NMNAT2: variants seen among roughly 807,000 people sequenced by gnomAD.
The protein encoded by NMNAT2 is nicotinamide/nicotinic acid mononucleotide adenylyltransferase 2.
In NMNAT2, 11 loss-of-function variants were observed where a neutral mutation model predicts 41.6. The observed-to-expected ratio is 0.26, with a 90% CI of 0.17 to 0.44. NMNAT2 has a LOEUF of 0.44. NMNAT2 is among the 20% of genes least tolerant of loss of function. NMNAT2 has a pLI of 1.00. For missense variants in NMNAT2, 288 were observed against 407.7 expected, an observed-to-expected ratio of 0.71 and a Z score of 2.53; for synonymous variants, 148 against 151.2, an observed-to-expected ratio of 0.98 and a Z score of 0.16.
intron 1 of NMNAT2, among the ~76,000 whole-genome samples, chr1:183,388,351 C>A (rs539845918): frequency 6.6e-6 from 1 of 152,336 alleles, no homozygotes; most frequent in East Asian, 1.9e-4. Context: ...CAGAGTGGGG[C>A]CCTTCTAGGG....
chr1:183,381,661 C>T (rs530470097), intron 1 of NMNAT2, among the ~76,000 whole-genome samples: 3 of 152,088 alleles, frequency 2.0e-5, no homozygotes, highest in South Asian at 4.2e-4. Context: ...CATGCTAGTG[C>T]ACTCCAGCCT....
intron 1 of NMNAT2, among the ~76,000 whole-genome samples, chr1:183,328,997 G>A (rs1489688756): frequency 1.3e-5 from 2 of 152,140 alleles, no homozygotes; most frequent in Non-Finnish European, 2.9e-5. Flanking sequence ...AGAGGTAGAG[G>A]AGCAGAGGTA....
At chr1:183,371,321 G>A (rs1373131719) in intron 1 of NMNAT2, among the ~76,000 whole-genome samples, 42 of 152,172 alleles carry the variant, frequency 2.8e-4, no homozygotes, top group Admixed American at 2.7e-3. Context: ...TGAGGGGAGG[G>A]AAGGATGGGC....
intron 10 of NMNAT2, among the ~76,000 whole-genome samples, chr1:183,258,212 C>T (rs1288447898): frequency 5.9e-5 from 9 of 152,156 alleles, no homozygotes; most frequent in Admixed American, 5.9e-4. Context: ...TTCCTGTTCT[C>T]TCCTAACACA....
At chr1:183,397,321 A>C (rs1648676701) in intron 1 of NMNAT2, among the ~76,000 whole-genome samples, 1 of 152,202 alleles carries the variant, frequency 6.6e-6, no homozygotes. Context: ...CAGTGATTGA[A>C]GATTAAATGA....
At chr1:183,343,707 C>T (rs1662866749) in intron 1 of NMNAT2, among the ~76,000 whole-genome samples, 2 of 152,102 alleles carry the variant, frequency 1.3e-5, no homozygotes, top group South Asian at 2.1e-4. Context: ...TCTACTGGCC[C>T]CCTCCAATCT....
chr1:183,410,735 C>T (rs1357526741), intron 1 of NMNAT2, among the ~76,000 whole-genome samples: 1 of 142,418 alleles, frequency 7.0e-6, no homozygotes, highest in African/African-American at 2.6e-5. Flanking sequence ...CATTCTCTCT[C>T]TCTTTTTTTT....
intron 1 of NMNAT2, among the ~76,000 whole-genome samples, chr1:183,375,871 T>C (rs1663667985): frequency 6.6e-6 from 1 of 152,226 alleles, no homozygotes; most frequent in African/African-American, 2.4e-5. Flanking sequence ...AGGTTATTGA[T>C]CACACTCTGG....
At chr1:183,417,076 T>C (rs560211907) in intron 1 of NMNAT2, among the ~76,000 whole-genome samples, 1 of 152,286 alleles carries the variant, frequency 6.6e-6, no homozygotes, top group East Asian at 1.9e-4. Context: ...TTCTAACTTC[T>C]CAATTCCTGC....
intron 7 of NMNAT2, among the ~76,000 whole-genome samples, chr1:183,279,242 T>A (rs1661200383): frequency 6.6e-6 from 1 of 152,216 alleles, no homozygotes; most frequent in Non-Finnish European, 1.5e-5. Flanking sequence ...ACTTCCTGCT[T>A]GTCAGTTGTT....
At chr1:183,360,385 C>A (rs1420644012) in intron 1 of NMNAT2, among the ~76,000 whole-genome samples, 2 of 152,132 alleles carry the variant, frequency 1.3e-5, no homozygotes, top group Admixed American at 1.3e-4. Flanking sequence ...TCATTCCTCA[C>A]CGAGAAAGAT....
chr1:183,405,598 C>T (rs1026631181), intron 1 of NMNAT2, among the ~76,000 whole-genome samples: 12 of 152,164 alleles, frequency 7.9e-5, no homozygotes, highest in Middle Eastern at 3.2e-3. Flanking sequence ...ACCACATGGC[C>T]ATGAGGGAGG....
chr1:183,382,596 G>A (rs143910080), intron 1 of NMNAT2, among the ~76,000 whole-genome samples: 2 of 152,174 alleles, frequency 1.3e-5, no homozygotes, highest in Non-Finnish European at 2.9e-5. Context: ...TACAATGAGG[G>A]TATAGGCATT....
chr1:183,289,775 C>T (rs1661491033), intron 4 of NMNAT2, among the ~76,000 whole-genome samples: 1 of 152,206 alleles, frequency 6.6e-6, no homozygotes, highest in South Asian at 2.1e-4. Flanking sequence ...CCAGTTTCCT[C>T]CTCCCTCACT....
intron 1 of NMNAT2, among the ~76,000 whole-genome samples, chr1:183,357,539 A>C (rs1028704390): frequency 7.9e-5 from 12 of 152,110 alleles, no homozygotes; most frequent in Admixed American, 2.0e-4. Flanking sequence ...GAGAGATATC[A>C]AATTCAATAG....
chr1:183,260,135 C>T (rs935318646), intron 10 of NMNAT2, among the ~76,000 whole-genome samples: 5 of 152,106 alleles, frequency 3.3e-5, no homozygotes, highest in Admixed American at 6.5e-5. Flanking sequence ...ATTTCCCAGC[C>T]GTCCTCCACC....
chr1:183,290,206 C>A lies in NMNAT2; in HGVS notation c.243G>T (p.Arg81Ser). ...QLAVQNSDWI[R>S]VDPWECYQDT... is the part of the protein sequence containing the mutation. ...CCTGGTAGCACTCCCAAGGGTCCAC[C>A]CTAACATCATCGGAAAGAAGTTTCC... The change falls in exon 4 of 11, where the codon AGG (arginine) becomes AGT (serine). Residue 81 changes from arginine (R) to serine (S), a missense_variant and splice_region_variant. Physicochemically the swap from Arg to Ser is moderately radical, Grantham distance 110. Around this residue, in one of 3 missense-constraint regions of NMNAT2, gnomAD observed 100 missense variants for 168.5 expected, o/e 0.59. Coordinates refer to ENST00000287713, the MANE Select transcript of NMNAT2 (RefSeq NM_015039.4). 1 of 1,575,528 alleles carries A rather than the reference C, an allele frequency of 6.3e-7. No homozygotes were observed. The highest frequency in any genetic ancestry group is 2.3e-5 in the East Asian group (1 of 43,288).
rs1372378020 is a variant in NMNAT2 at position 183,392,998 on chromosome 1, A to G, written c.85+25185T>C. The stretch of plus-strand genomic sequence containing the variant: ...CTCTAGACTGTAAACACATAAGGGC[A>G]AGGATTCTGTTTTGTTCTCTGTGAC... On this transcript the variant is annotated intron_variant, in intron 1 of 10. Coordinates refer to ENST00000287713, the MANE Select transcript of NMNAT2 (RefSeq NM_015039.4). 2.0e-5 allele frequency among the ~76,000 whole-genome samples: 3 copies of G among 152,134 alleles called. No individual in the cohort carries two copies. The East Asian group carries it at 5.8e-4, about 29-fold the overall frequency.
At chr1:183,330,998 C>A (rs2102338546) in intron 1 of NMNAT2, among the ~76,000 whole-genome samples, 1 of 152,198 alleles carries the variant, frequency 6.6e-6, no homozygotes, top group African/African-American at 2.4e-5. Flanking sequence ...CCTTTCATTT[C>A]TTTTTTTCTC....
Sources: gnomAD v4.1 joint callset for allele counts (sites outside exome capture counted in the v4.1 genomes callset) on GRCh38, gnomAD v4.1.1 for gene constraint, gnomAD v4.1.1 regional missense constraint, MANE v1.5 for transcripts, NCBI Gene and HGNC (gene_info 2026-07-23, HGNC 2026-07-21) for gene names.